CLEC5A: variants seen among roughly 807,000 people sequenced by gnomAD.
The protein encoded by CLEC5A is C-type lectin domain family 5 member A.
Under a neutral mutation model 24.4 loss-of-function variants are expected in CLEC5A, and 15 were observed. The ratio of observed to expected loss-of-function variants is 0.62; its 90% CI spans 0.41 to 0.95. The LOEUF (loss-of-function observed/expected upper bound fraction) is 0.95, where lower values mean the gene tolerates loss of function less well. Among genes scored for constraint, CLEC5A ranks in the 40% least tolerant of loss-of-function variants. The probability of loss-of-function intolerance (pLI) is 0.00; values close to 1 mark genes in which losing one functional copy is unlikely to be tolerated. For missense variants in CLEC5A, 211 were observed against 224.0 expected (o/e 0.94, Z 0.37); for synonymous variants, 71 against 72.6 (o/e 0.98, Z 0.11).
intron 2 of CLEC5A, 70 bp downstream of exon 2, chr7:141,946,144 G>A (rs1802948109): frequency 2.0e-6 from 3 of 1,480,516 alleles, no homozygotes; most frequent in Middle Eastern, 1.7e-4. Context: ...ACACAACCAT[G>A]CATTCTGAGA....
At chr7:141,943,406 G>A (rs1802856476) in intron 4 of CLEC5A, among the ~76,000 whole-genome samples, 1 of 152,056 alleles carries the variant, frequency 6.6e-6, no homozygotes, top group Non-Finnish European at 1.5e-5. Flanking sequence ...AGCATAGAAG[G>A]ATGGTTACCA....
intron 4 of CLEC5A, among the ~76,000 whole-genome samples, chr7:141,938,953 T>C (rs1053650164): frequency 1.3e-5 from 2 of 152,094 alleles, no homozygotes; most frequent in African/African-American, 4.8e-5. Context: ...AATAAAGACT[T>C]TCCCAGACAA....
In CLEC5A at chr7:141,943,909, C is replaced by T. The variant is rs781943106; in HGVS notation, c.195G>A (p.Arg65=). 4 of 1,609,574 alleles carry T rather than the reference C, an allele frequency of 2.5e-6. No individual in the cohort carries two copies. The East Asian group carries it at 6.7e-5, about 27-fold the overall frequency. ...SPSPNGFITT[R]SYGTVCPKDW... ...CATGCACTTTACCTGTTCCATAGCTCCTTGTGGTAATGAAGCCGTTGGGAC... is the reference window on the plus strand; with the variant it reads ...CATGCACTTTACCTGTTCCATAGCTTCTTGTGGTAATGAAGCCGTTGGGAC... Residue 65 remains arginine, a synonymous_variant, in exon 4 of 7, where the codon AGG becomes AGA. Transcript: ENST00000546910.
chr7:141,937,454 G>A (rs1052625769), intron 4 of CLEC5A, among the ~76,000 whole-genome samples: 1 of 152,134 alleles, frequency 6.6e-6, no homozygotes, highest in African/African-American at 2.4e-5. Context: ...AGAAAGGGGA[G>A]GGAAGAGTGG....
intron 4 of CLEC5A, among the ~76,000 whole-genome samples, chr7:141,938,045 A>G (rs1486270788): frequency 6.6e-6 from 1 of 152,194 alleles, no homozygotes; most frequent in Middle Eastern, 3.2e-3. Flanking sequence ...AAGCCTTCCC[A>G]AGAAGGATGG....
intron 6 of CLEC5A, 50 bp from the exon 7 acceptor site, chr7:141,930,268 A>T (rs1584840734): frequency 7.3e-7 from 1 of 1,367,134 alleles, no homozygotes; most frequent in Non-Finnish European, 1.0e-6. Context: ...AAAACAAAGC[A>T]TGGTGATGGC....
intron 4 of CLEC5A, among the ~76,000 whole-genome samples, chr7:141,941,465 A>G (rs782025853): frequency 3.9e-5 from 6 of 152,276 alleles, no homozygotes; most frequent in Non-Finnish European, 7.4e-5. Context: ...ACCTACAGCC[A>G]GCATATATTG....
intron 4 of CLEC5A, among the ~76,000 whole-genome samples, chr7:141,938,558 T>G (rs1802695882): frequency 6.6e-6 from 1 of 151,902 alleles, no homozygotes; most frequent in African/African-American, 2.4e-5. Flanking sequence ...TAGATAGGGG[T>G]AGAAAGTTTA....
chr7:141,933,181 A>G (rs1270863732), intron 5 of CLEC5A, among the ~76,000 whole-genome samples: 2 of 152,154 alleles, frequency 1.3e-5, no homozygotes, highest in Admixed American at 1.3e-4. Flanking sequence ...GAAATTATAT[A>G]CTGGATCTGG....
rs1268299405 is a variant in CLEC5A at position 141,943,885 on chromosome 7, A to G, written c.208+11T>C. 3 of 1,573,828 alleles carry G rather than the reference A, an allele frequency of 1.9e-6. No individual in the cohort carries two copies. Among genetic ancestry groups the G allele is most frequent in the African/African-American group, 2.7e-5 (2 of 74,020 alleles). ...AGGGGATGGGGAGTAGGTTGTAATC[A>G]TGCACTTTACCTGTTCCATAGCTCC... On this transcript the variant is annotated intron_variant, in intron 4 of 6. Transcript: ENST00000546910.
At position 141,929,283 on chromosome 7, in the gene CLEC5A, A is replaced by T. The variant is rs1554439966; in HGVS notation, c.*821T>A. On this transcript the variant is annotated 3_prime_UTR_variant, in exon 7 of 7. Transcript: ENST00000546910. ...ATTGTTGCCTAAGAGACTATCCAAA[A>T]TTTTAAAAATACTCAACAAATACAG... 1 of 152,204 alleles carries T rather than the reference A, an allele frequency of 6.6e-6. No individual in the cohort carries two copies. Among genetic ancestry groups the T allele is most frequent in the African/African-American group, 2.4e-5 (1 of 41,436 alleles). The allele number at this position is 152,204 out of a possible 1,614,324, so 9.4% of individuals were successfully genotyped here.
chr7:141,945,455 T>C (rs1802925180), intron 2 of CLEC5A, 55 bp from the exon 3 acceptor site: 1 of 1,249,148 alleles, frequency 8.0e-7, no homozygotes, highest in Non-Finnish European at 1.2e-6. Context: ...ATGATGAATA[T>C]GACAAACAAG....
intron 6 of CLEC5A, chr7:141,931,467 G>T (rs1554440336): frequency 5.8e-6 from 3 of 516,436 alleles, no homozygotes; most frequent in Non-Finnish European, 1.0e-5. Context: ...AGGTGGATTT[G>T]TTTGGATCTT....
rs1802366045 is a variant in CLEC5A, at chr7:141,928,659, C to T, written c.*1445G>A. 1 of 151,968 alleles carries T rather than the reference C, an allele frequency of 6.6e-6. No individual in the cohort carries two copies. The highest frequency in any genetic ancestry group is 2.4e-5 in the African/African-American group (1 of 41,364). The allele number at this position is 151,968 out of a possible 1,614,324, so 9.4% of individuals were successfully genotyped here. The stretch of plus-strand genomic sequence containing the variant: ...AATTGTAAGTGGCCATGCTAAGGAG[C>T]CAAAAATGATGAAACCTAGGAATGC... On this transcript the variant is annotated 3_prime_UTR_variant, in exon 7 of 7. Transcript: ENST00000546910.
chr7:141,941,652 G>A (rs1382413541), intron 4 of CLEC5A, among the ~76,000 whole-genome samples: 2 of 152,094 alleles, frequency 1.3e-5, no homozygotes, highest in African/African-American at 4.8e-5. Context: ...CTTGTTTTCA[G>A]ATGATATGAC....
chr7:141,943,221 A>C (rs1490117684), intron 4 of CLEC5A, among the ~76,000 whole-genome samples: 1 of 152,228 alleles, frequency 6.6e-6, no homozygotes, highest in African/African-American at 2.4e-5. Flanking sequence ...GTACATATAC[A>C]CAATGGAGTA....
At chr7:141,938,862 C>T (rs908238900) in intron 4 of CLEC5A, among the ~76,000 whole-genome samples, 6 of 152,124 alleles carry the variant, frequency 3.9e-5, no homozygotes, top group Admixed American at 3.9e-4. Context: ...AGTGGCATGG[C>T]ATATTTAAGT....
At chr7:141,946,066 C>T in intron 2 of CLEC5A, 148 bp downstream of exon 2, 6 of 747,096 alleles carry the variant, frequency 8.0e-6, no homozygotes, top group Admixed American at 2.5e-5. Context: ...GTGAGAAAGG[C>T]ATTGCCAATT....
chr7:141,935,978 G>T (rs782465228), intron 4 of CLEC5A, 28 bp from the exon 5 acceptor site: 8 of 1,602,660 alleles, frequency 5.0e-6, no homozygotes, highest in African/African-American at 1.3e-5. Context: ...AGGAGAGTAC[G>T]AGTTTACTGG....
Sources: gnomAD v4.1 joint callset for allele counts (sites outside exome capture counted in the v4.1 genomes callset) on GRCh38, gnomAD v4.1.1 for gene constraint, MANE v1.5 for transcripts, NCBI Gene and HGNC (gene_info 2026-07-23, HGNC 2026-07-21) for gene names.